The following NDUFB9 variants were observed in gnomAD, a reference collection of about 807,000 sequenced individuals.
NDUFB9 encodes NADH dehydrogenase [ubiquinone] 1 beta subcomplex subunit 9.
NDUFB9 carries 24 observed loss-of-function variants against 30.2 expected under a neutral mutation model. That is an observed-to-expected ratio of 0.80 (90% CI 0.58 to 1.12). NDUFB9 has a LOEUF of 1.12. Ranked by LOEUF, NDUFB9 falls within the 50% of genes most tolerant of loss-of-function variation. The pLI, the probability that NDUFB9 is intolerant of heterozygous loss-of-function variation, is 0.00. For synonymous variants in NDUFB9, 80 were observed against 84.0 expected (o/e 0.95, Z 0.26); for missense variants, 204 against 226.0 (o/e 0.90, Z 0.62).
chr8:124,540,931 A>G (rs952963289), intron 1 of NDUFB9, among the ~76,000 whole-genome samples: 1 of 152,182 alleles, frequency 6.6e-6, no homozygotes, highest in Non-Finnish European at 1.5e-5. Context: ...GTACTTTGGG[A>G]GGCTGAGGTG....
At chr8:124,539,731 A>G (rs1370398596) in intron 1 of NDUFB9, among the ~76,000 whole-genome samples, 1 of 152,208 alleles carries the variant, frequency 6.6e-6, no homozygotes, top group African/African-American at 2.4e-5. Flanking sequence ...TATTTTACAG[A>G]TAAGAAGATG....
intron 1 of NDUFB9, among the ~76,000 whole-genome samples, chr8:124,540,010 T>A (rs1336738294): frequency 6.6e-6 from 1 of 152,206 alleles, no homozygotes; most frequent in Non-Finnish European, 1.5e-5. Context: ...CAGGGTGGGC[T>A]AACAACCCAA....
At chr8:124,548,820 C>G (rs946776916) in intron 3 of NDUFB9, among the ~76,000 whole-genome samples, 1 of 152,000 alleles carries the variant, frequency 6.6e-6, no homozygotes, top group Non-Finnish European at 1.5e-5. Context: ...GTCTGAGTTT[C>G]AAGGAGGCAT....
chr8:124,546,160 T>A (rs1379404841), intron 2 of NDUFB9, among the ~76,000 whole-genome samples: 2 of 152,256 alleles, frequency 1.3e-5, no homozygotes, highest in African/African-American at 2.4e-5. Context: ...GTACATTTTT[T>A]ATGTATATTA....
At chr8:124,539,422 A>G (rs1008405551) in intron 1 of NDUFB9, 135 bp downstream of exon 1, 12 of 777,530 alleles carry the variant, frequency 1.5e-5, no homozygotes, top group South Asian at 4.5e-5. Context: ...ACAGAATCCT[A>G]TGGTAGACCC....
rs775505346 is a variant in NDUFB9, at chr8:124,539,218, C to T, written c.32C>T (p.Thr11Ile). The T allele has an allele frequency of 1.9e-6, 3 of 1,614,220 alleles. No individual in the cohort carries two copies. The highest frequency in any genetic ancestry group is 2.2e-5 in the South Asian group (2 of 91,088). Residue 11 changes from threonine (T) to isoleucine (I), a missense_variant, in exon 1 of 4, where the codon ACC becomes ATC. Coordinates refer to ENST00000276689, the MANE Select transcript of NDUFB9 (RefSeq NM_005005.3). ...TTCTTGGCGTCGGGACCCTACCTGA[C>T]CCATCAGCAAAAGGTGTTGCGGCTT... MAFLASGPYL[T>I]HQQKVLRLYK...
At chr8:124,543,396 A>T in intron 2 of NDUFB9, 117 bp downstream of exon 2, 1 of 1,057,024 alleles carries the variant, frequency 9.5e-7, no homozygotes, top group Non-Finnish European at 1.4e-6. Flanking sequence ...TTATTTCCTG[A>T]CAGTTGTCAG....
intron 1 of NDUFB9, among the ~76,000 whole-genome samples, chr8:124,540,710 C>G (rs1484826027): frequency 1.3e-5 from 2 of 152,120 alleles, no homozygotes; most frequent in African/African-American, 4.8e-5. Context: ...GACATTCTTT[C>G]TCAATCCTTG....
intron 1 of NDUFB9, among the ~76,000 whole-genome samples, chr8:124,541,058 C>T (rs1466763714): frequency 1.3e-5 from 2 of 152,114 alleles, no homozygotes; most frequent in Non-Finnish European, 2.9e-5. Flanking sequence ...CCCAGCTACT[C>T]ATGAGGCTGA....
At chr8:124,546,569 C>T (rs1563708616) in intron 2 of NDUFB9, 2 of 202,690 alleles carry the variant, frequency 9.9e-6, no homozygotes, top group South Asian at 1.7e-4. Context: ...GTCATTAAGA[C>T]TTTTCTTTCT....
In NDUFB9 at chr8:124,539,182, C is replaced by T. The variant is rs375465735; in HGVS notation, c.-5C>T. ...TCCGCGCGGCCGGGGAAGGTCAGCG[C>T]CGTAATGGCGTTCTTGGCGTCGGGA... On this transcript the variant is annotated 5_prime_UTR_variant, in exon 1 of 4. Transcript: ENST00000276689. 1.3e-4 allele frequency: 216 copies of T among 1,614,058 alleles called. 1 individual carries two copies. Among genetic ancestry groups the T allele is most frequent in the Non-Finnish European group, 8.8e-5 (104 of 1,180,014 alleles).
Position 124,539,260 on chromosome 8 carries a change from G to A in NDUFB9, c.74G>A (p.Arg25His), listed in dbSNP as rs763215805. ...TTGCGGCTTTATAAGCGGGCGCTAC[G>A]CCACCTCGAGTCGTGGTGCGTCCAG... Reference protein sequence around the residue: ...KVLRLYKRALRHLESWCVQRD... With the variant: ...KVLRLYKRALHHLESWCVQRD... The change falls in exon 1 of 4, where the codon CGC (arginine) becomes CAC (histidine). Residue 25 changes from arginine to histidine, a missense_variant. Transcript: ENST00000276689. 6.2e-7 allele frequency: 1 copy of A among 1,614,184 alleles called. No homozygotes were observed. The highest frequency in any genetic ancestry group is 8.5e-7 in the Non-Finnish European group (1 of 1,180,032).
chr8:124,546,842 A>C, intron 2 of NDUFB9, 158 bp from the exon 3 acceptor site: 1 of 709,336 alleles, frequency 1.4e-6, no homozygotes, highest in Non-Finnish European at 2.6e-6. Flanking sequence ...CTTCCTACTT[A>C]TCCTCTGCTG....
intron 1 of NDUFB9, among the ~76,000 whole-genome samples, chr8:124,540,924 C>T (rs1027310467): frequency 2.6e-5 from 4 of 152,182 alleles, no homozygotes; most frequent in Non-Finnish European, 4.4e-5. Flanking sequence ...AATCCCAGTA[C>T]TTTGGGAGGC....
intron 3 of NDUFB9, among the ~76,000 whole-genome samples, chr8:124,548,791 G>A (rs1038960170): frequency 1.3e-5 from 2 of 152,206 alleles, no homozygotes; most frequent in Non-Finnish European, 2.9e-5. Flanking sequence ...GCCAAGTTGG[G>A]AGGATCTGTG....
intron 3 of NDUFB9, among the ~76,000 whole-genome samples, chr8:124,548,954 A>G (rs1441331076): frequency 1.3e-5 from 2 of 152,228 alleles, no homozygotes; most frequent in Non-Finnish European, 2.9e-5. Context: ...GTGTTTGGCC[A>G]AGGGGGACCC....
rs368135521 is a variant in NDUFB9 at position 124,539,167 on chromosome 8, C to G, written c.-20C>G. ...GCAGTTTCCCGGCTCTCCGCGCGGC[C>G]GGGGAAGGTCAGCGCCGTAATGGCG... is the stretch of plus-strand genomic sequence containing the variant. On this transcript the variant is annotated 5_prime_UTR_variant, in exon 1 of 4. Coordinates refer to ENST00000276689, the MANE Select transcript of NDUFB9 (RefSeq NM_005005.3). 8 of 1,613,820 alleles carry G rather than the reference C, an allele frequency of 5.0e-6. No individual in the cohort carries two copies. Among genetic ancestry groups the G allele is most frequent in the Middle Eastern group, 1.6e-4 (1 of 6,082 alleles).
intron 1 of NDUFB9, 137 bp from the exon 2 acceptor site, chr8:124,542,949 AC>A (rs1447313581): frequency 1.3e-5 from 11 of 819,764 alleles, no homozygotes; most frequent in African/African-American, 1.2e-4. Flanking sequence ...CCATGATGAT[AC>A]GGCTGCTCCA....
At chr8:124,543,369 A>G in intron 2 of NDUFB9, 90 bp downstream of exon 2, 1 of 1,319,996 alleles carries the variant, frequency 7.6e-7, no homozygotes, top group Non-Finnish European at 1.1e-6. Context: ...TTGCCCTTCA[A>G]GGGGTAGCTA....
Sources: gnomAD v4.1 joint callset for allele counts (sites outside exome capture counted in the v4.1 genomes callset) on GRCh38, gnomAD v4.1.1 for gene constraint, MANE v1.5 for transcripts, NCBI Gene and HGNC (gene_info 2026-07-23, HGNC 2026-07-21) for gene names.